PRKN: variants seen among roughly 807,000 people sequenced by gnomAD.
PRKN encodes the protein E3 ubiquitin-protein ligase parkin.
A neutral mutation model predicts 59.5 loss-of-function variants in PRKN; 56 were observed. That is an observed-to-expected ratio of 0.94 (90% CI 0.76 to 1.18). The LOEUF is 1.18. Among genes scored for constraint, PRKN ranks in the 50% most tolerant of loss-of-function variants. The pLI, the probability that PRKN is intolerant of heterozygous loss-of-function variation, is 0.00. For synonymous variants in PRKN, 250 were observed against 222.1 expected, an observed-to-expected ratio of 1.13 and a Z score of -1.12; for missense variants, 657 against 596.4, an observed-to-expected ratio of 1.10 and a Z score of -1.06.
chr6:161,854,826 T>G (rs1450590468), intron 6 of PRKN, among the ~76,000 whole-genome samples: 1 of 152,026 alleles, frequency 6.6e-6, no homozygotes, highest in Admixed American at 6.5e-5. Context: ...GGCTCATGCC[T>G]GTAATCCCAG....
chr6:162,412,413 C>G (rs7452748), intron 2 of PRKN, among the ~76,000 whole-genome samples: 1,880 of 151,982 alleles, frequency 0.012, 19 homozygotes, highest in Non-Finnish European at 0.019. Flanking sequence ...CTGTGGACAC[C>G]TAAGCCACCG....
chr6:161,636,220 G>A (rs1562573432), intron 7 of PRKN, among the ~76,000 whole-genome samples: 1 of 152,258 alleles, frequency 6.6e-6, no homozygotes, highest in Non-Finnish European at 1.5e-5. Flanking sequence ...GCCTAGGGGA[G>A]CCGCATGTCC....
At chr6:161,564,528 G>A (rs1780567507) in intron 8 of PRKN, among the ~76,000 whole-genome samples, 1 of 152,140 alleles carries the variant, frequency 6.6e-6, no homozygotes, top group South Asian at 2.1e-4. Flanking sequence ...AAACAGGCGT[G>A]TCCCTGAGGA....
rs559871398 is a variant in PRKN, at chr6:162,031,722, G to T, written c.618+22369C>A. On this transcript the variant is annotated intron_variant, in intron 5 of 11. Transcript: ENST00000366898. The stretch of plus-strand genomic sequence containing the variant: ...ATTTTGTATTTTTAGTAGACACAAG[G>T]TCTCACCATGTTGGCTAGGCTGGTC... 1.9e-3 allele frequency among the ~76,000 whole-genome samples: 287 copies of T among 151,998 alleles called. 1 individual carries two copies. Among genetic ancestry groups the T allele is most frequent in the African/African-American group, 6.8e-3 (283 of 41,474 alleles).
At chr6:162,668,723 C>T (rs1011612839) in intron 1 of PRKN, among the ~76,000 whole-genome samples, 1 of 152,178 alleles carries the variant, frequency 6.6e-6, no homozygotes, top group African/African-American at 2.4e-5. Flanking sequence ...CCCACTGTAG[C>T]ATCCTGTGGC....
At chr6:161,541,926 A>AT (rs1394603478) in intron 9 of PRKN, among the ~76,000 whole-genome samples, 2 of 152,332 alleles carry the variant, frequency 1.3e-5, no homozygotes, top group East Asian at 3.9e-4. Flanking sequence ...TGGGTTAAAA[A>AT]ATATACTTTT....
chr6:161,486,054 C>T (rs1324574075), intron 9 of PRKN, among the ~76,000 whole-genome samples: 1 of 151,852 alleles, frequency 6.6e-6, no homozygotes, highest in African/African-American at 2.4e-5. Context: ...TGTCCAGAAA[C>T]CCATTTTTTA....
chr6:162,201,695 C>A (rs1047590817), intron 3 of PRKN, among the ~76,000 whole-genome samples: 1 of 152,132 alleles, frequency 6.6e-6, no homozygotes, highest in African/African-American at 2.4e-5. Context: ...GCCCATTTAT[C>A]GTGATATAAA....
At chr6:161,940,860 G>A (rs1225121498) in intron 6 of PRKN, among the ~76,000 whole-genome samples, 1 of 152,188 alleles carries the variant, frequency 6.6e-6, no homozygotes, top group Non-Finnish European at 1.5e-5. Context: ...GCCTCTTAGA[G>A]CTGGAACTAA....
At chr6:162,574,277 A>C (rs1041774888) in intron 1 of PRKN, among the ~76,000 whole-genome samples, 5 of 152,158 alleles carry the variant, frequency 3.3e-5, no homozygotes, top group African/African-American at 1.2e-4. Flanking sequence ...ATATCTGGAG[A>C]AAAACGGAGG....
intron 5 of PRKN, among the ~76,000 whole-genome samples, chr6:161,998,821 A>C (rs1013212684): frequency 6.6e-6 from 1 of 152,122 alleles, no homozygotes; most frequent in African/African-American, 2.4e-5. Context: ...CCTAACCCCC[A>C]AAATGCCTCA....
chr6:162,541,100 A>G (rs1769665432), intron 1 of PRKN, among the ~76,000 whole-genome samples: 1 of 152,178 alleles, frequency 6.6e-6, no homozygotes, highest in South Asian at 2.1e-4. Context: ...ATTCTTCCTT[A>G]GGGTTTTCAA....
chr6:162,372,928 T>C (rs183418551), intron 2 of PRKN, among the ~76,000 whole-genome samples: 10 of 152,266 alleles, frequency 6.6e-5, no homozygotes, highest in South Asian at 4.1e-4. Flanking sequence ...TCTAGATGTG[T>C]TGATTTTGTT....
chr6:161,666,984 C>A (rs551393214), intron 7 of PRKN, among the ~76,000 whole-genome samples: 74 of 152,304 alleles, frequency 4.9e-4, no homozygotes, highest in Middle Eastern at 3.4e-3. Flanking sequence ...CCAGGCTTTA[C>A]CCCATGCTGC....
chr6:161,680,757 ATATATATATATATATATATTTTT>A (rs1189882245), intron 7 of PRKN, among the ~76,000 whole-genome samples: 957 of 14,168 alleles, frequency 0.068, 27 homozygotes, highest in Non-Finnish European at 0.11. Flanking sequence ...ATATATATAT[ATATATATATATATATATATTTTT>A]TTTTTTTTTT....
rs527293197 is a variant in PRKN, at chr6:161,415,974, G to A, written c.1084-29097C>T. ...GTGCCCACCCAGCTGGCTCCCTCCGGGTCCCGTCTTTACTCAAATCGCACC... is the reference window on the plus strand; with the variant it reads ...GTGCCCACCCAGCTGGCTCCCTCCGAGTCCCGTCTTTACTCAAATCGCACC... On this transcript the variant is annotated intron_variant, in intron 9 of 11. Transcript: ENST00000366898. Among the ~76,000 whole-genome samples the A allele has an allele frequency of 4.9e-4, 75 of 152,068 alleles. 1 individual carries two copies. The highest frequency in any genetic ancestry group is 7.2e-4 in the Admixed American group (11 of 15,278).
chr6:162,087,989 G>A (rs546547779), intron 4 of PRKN, among the ~76,000 whole-genome samples: 1 of 152,304 alleles, frequency 6.6e-6, no homozygotes, highest in East Asian at 1.9e-4. Context: ...TGGCTTGAGA[G>A]AGAGTCATCA....
At chr6:162,152,558 C>A (rs569245130) in intron 4 of PRKN, among the ~76,000 whole-genome samples, 1 of 152,278 alleles carries the variant, frequency 6.6e-6, no homozygotes, top group African/African-American at 2.4e-5. Context: ...ATGCATACTG[C>A]AGGAACACAA....
At chr6:162,368,859 C>T (rs1226563777) in intron 2 of PRKN, among the ~76,000 whole-genome samples, 1 of 152,198 alleles carries the variant, frequency 6.6e-6, no homozygotes, top group Non-Finnish European at 1.5e-5. Context: ...ACCTGTGTCT[C>T]TGCTGCTCCC....
Sources: gnomAD v4.1 joint callset for allele counts (sites outside exome capture counted in the v4.1 genomes callset) on GRCh38, gnomAD v4.1.1 for gene constraint, MANE v1.5 for transcripts, NCBI Gene and HGNC (gene_info 2026-07-23, HGNC 2026-07-21) for gene names.